Variants in ADCY9 observed in about 807,000 individuals in gnomAD.
ADCY9 encodes the protein adenylate cyclase type 9.
ADCY9 carries 50 observed loss-of-function variants against 101.5 expected under a neutral mutation model. The ratio of observed to expected loss-of-function variants is 0.49; its 90% confidence interval spans 0.39 to 0.62. The LOEUF (loss-of-function observed/expected upper bound fraction) is 0.62. Ranked by LOEUF, ADCY9 falls within the 20% of genes least tolerant of loss-of-function variation. The pLI is 0.00. For missense variants in ADCY9, 1,662 were observed against 1,800.4 expected, an observed-to-expected ratio of 0.92 and a Z score of 1.39; for synonymous variants, 905 against 769.3, an observed-to-expected ratio of 1.18 and a Z score of -2.92.
chr16:4,078,938 G>A (rs2056885270), intron 2 of ADCY9, among the ~76,000 whole-genome samples: 1 of 152,122 alleles, frequency 6.6e-6, no homozygotes, highest in African/African-American at 2.4e-5. Context: ...ACTAATTATC[G>A]TGGGCAAAGA....
intron 2 of ADCY9, among the ~76,000 whole-genome samples, chr16:4,030,027 T>C (rs973385200): frequency 2.0e-5 from 3 of 152,150 alleles, no homozygotes; most frequent in Non-Finnish European, 4.4e-5. Flanking sequence ...GGAACCCTCA[T>C]ACTCTGCTGA....
In ADCY9 at chr16:3,987,990, G is replaced by A. The variant is rs184706751; in HGVS notation, c.2310+1004C>T. ...GCTGGGACTCTGCTGGAGGCTGTGAGGAGGGGCTGGAGGAGAGAGATGGGT... is the reference window on the plus strand; with the variant it reads ...GCTGGGACTCTGCTGGAGGCTGTGAAGAGGGGCTGGAGGAGAGAGATGGGT... On this transcript the variant is annotated intron_variant, in intron 6 of 10. Coordinates refer to ENST00000294016, the MANE Select transcript of ADCY9 (RefSeq NM_001116.4). Among the ~76,000 whole-genome samples the A allele has an allele frequency of 3.0e-3, 446 of 147,624 alleles. 1 individual carries two copies. The highest frequency in any genetic ancestry group is 0.011 in the African/African-American group (421 of 37,608).
At chr16:4,065,528 C>G (rs895249851) in intron 2 of ADCY9, among the ~76,000 whole-genome samples, 1 of 152,120 alleles carries the variant, frequency 6.6e-6, no homozygotes, top group African/African-American at 2.4e-5. Flanking sequence ...GAATGTCGCA[C>G]GTCAATGTAC....
chr16:4,011,234 G>C (rs1311022618), intron 2 of ADCY9, among the ~76,000 whole-genome samples: 2 of 152,314 alleles, frequency 1.3e-5, no homozygotes, highest in African/African-American at 4.8e-5. Flanking sequence ...GCCTGCAGCA[G>C]GCATAGCTAA....
chr16:4,021,208 G>A (rs2056474050), intron 2 of ADCY9, among the ~76,000 whole-genome samples: 1 of 152,118 alleles, frequency 6.6e-6, no homozygotes, highest in African/African-American at 2.4e-5. Flanking sequence ...CTGCACAATG[G>A]GCGTGCCATG....
rs566636972 is a variant in ADCY9, at chr16:4,079,021, A to G, written c.1693+34729T>C. 1.6e-4 allele frequency among the ~76,000 whole-genome samples: 24 copies of G among 152,344 alleles called. No homozygotes were observed. In the South Asian group the frequency reaches 2.3e-3, roughly 14 times the overall value. The stretch of plus-strand genomic sequence containing the variant: ...ATATTTCATCGAGTCTAAGATGCCA[A>G]TGATGATGTTTCATTACTTTTTGTT... On this transcript the variant is annotated intron_variant, in intron 2 of 10. Transcript: ENST00000294016.
rs2055997522 is a variant in ADCY9, at chr16:3,966,503, C to A, written c.3334G>T (p.Ala1112Ser). Residue 1112 changes from alanine (A) to serine (S), a missense_variant, in exon 11 of 11, where the codon GCC becomes TCC. Physicochemically the swap from Ala to Ser is moderately conservative, Grantham distance 99 (BLOSUM62 1). Transcript: ENST00000294016. ...SSIEKIKTIG[A>S]TYMAASGLNT... Reference sequence around the variant, plus strand: ...AGCCCTGACGCCGCCATGTACGTGGCTCCGATGGTCTTGATCTTCTCGATG... The same window carrying A: ...AGCCCTGACGCCGCCATGTACGTGGATCCGATGGTCTTGATCTTCTCGATG... The A allele has an allele frequency of 3.1e-6, 5 of 1,614,056 alleles. No homozygotes were observed. In the South Asian group the frequency reaches 5.5e-5, roughly 18 times the overall value.
intron 2 of ADCY9, among the ~76,000 whole-genome samples, chr16:4,038,406 C>A (rs918831774): frequency 5.3e-5 from 8 of 152,086 alleles, no homozygotes; most frequent in Non-Finnish European, 1.0e-4. Flanking sequence ...GCATGAAAGG[C>A]CTGAGGGAAC....
intron 2 of ADCY9, among the ~76,000 whole-genome samples, chr16:4,036,495 C>T (rs928737873): frequency 6.2e-5 from 8 of 129,574 alleles, no homozygotes; most frequent in Admixed American, 4.2e-4. Context: ...GACAATCTCG[C>T]TCTGTCACCC....
downstream of ADCY9, among the ~76,000 whole-genome samples, chr16:3,961,271 G>C (rs763705237): frequency 2.6e-5 from 4 of 151,698 alleles, no homozygotes; most frequent in Non-Finnish European, 4.4e-5. Flanking sequence ...AACATGGCAA[G>C]ACCCCGTCTC....
At chr16:4,068,425 GTAT>G (rs1343977713) in intron 2 of ADCY9, among the ~76,000 whole-genome samples, 1 of 151,964 alleles carries the variant, frequency 6.6e-6, no homozygotes, top group Non-Finnish European at 1.5e-5. Context: ...TTCAATGCAT[GTAT>G]TATTATCTCT....
intron 10 of ADCY9, among the ~76,000 whole-genome samples, chr16:3,969,976 C>G (rs935820309): frequency 6.6e-6 from 1 of 152,086 alleles, no homozygotes; most frequent in Admixed American, 6.6e-5. Context: ...GTCCTGCCAT[C>G]CAGAGGCAAT....
At chr16:4,110,179 A>T (rs911833813) in intron 2 of ADCY9, among the ~76,000 whole-genome samples, 2 of 152,122 alleles carry the variant, frequency 1.3e-5, no homozygotes. Flanking sequence ...ACGCGCCCCA[A>T]AGTGGGGCCG....
chr16:3,986,020 C>T lies in ADCY9; in HGVS notation c.2311-2580G>A, dbSNP rs376424159. Among the ~76,000 whole-genome samples, 55 of 152,298 alleles carry T rather than the reference C, an allele frequency of 3.6e-4. 1 individual carries two copies. The South Asian group carries it at 7.0e-3, about 19-fold the overall frequency. ...ACAGTGCCACTGGCTGCCAGGGCAC[C>T]GTGGGCCAGGCTCCGCCCTGCTCAC... On this transcript the variant is annotated intron_variant, in intron 6 of 10. Coordinates refer to ENST00000294016, the MANE Select transcript of ADCY9 (RefSeq NM_001116.4).
chr16:4,100,706 G>T (rs1368372684), intron 2 of ADCY9, among the ~76,000 whole-genome samples: 1 of 143,362 alleles, frequency 7.0e-6, no homozygotes, highest in East Asian at 2.1e-4. Flanking sequence ...TTATGCCACT[G>T]CACTCCAACC....
At chr16:4,069,950 T>C (rs1009530117) in intron 2 of ADCY9, among the ~76,000 whole-genome samples, 9 of 151,990 alleles carry the variant, frequency 5.9e-5, no homozygotes, top group African/African-American at 2.2e-4. Flanking sequence ...ACAAAAAAAT[T>C]AGCCAGGCGT....
rs774071996 is a variant in ADCY9 at position 4,115,065 on chromosome 16, G to A, written c.378C>T (p.Ala126=). Reference sequence around the variant, plus strand: ...CAAAATAGATGCTCCACAGAAGGCAGGCGAAGCCGATGTAGAAGAGCGCAT... The same window carrying A: ...CAAAATAGATGCTCCACAGAAGGCAAGCGAAGCCGATGTAGAAGAGCGCAT... ...FRYALFYIGF[A]CLLWSIYFAV... The change falls in exon 2 of 11, where the codon GCC becomes GCT. Residue 126 remains alanine (A), a synonymous_variant. Coordinates refer to ENST00000294016, the MANE Select transcript of ADCY9 (RefSeq NM_001116.4). This position sits in a 1 kb window ranked among gnomAD's most constrained non-coding sequence, Gnocchi z 6.2. 1.2e-6 allele frequency: 2 copies of A among 1,614,048 alleles called. No individual in the cohort carries two copies. The highest frequency in any genetic ancestry group is 2.2e-5 in the East Asian group (1 of 44,884).
chr16:4,019,949 G>A (rs1167103559), intron 2 of ADCY9, among the ~76,000 whole-genome samples: 1 of 152,046 alleles, frequency 6.6e-6, no homozygotes, highest in Admixed American at 6.6e-5. Flanking sequence ...GTGGTGGCGG[G>A]AGCCTGTAAT....
intron 2 of ADCY9, among the ~76,000 whole-genome samples, chr16:4,102,456 G>C (rs1402537507): frequency 6.6e-6 from 1 of 152,148 alleles, no homozygotes; most frequent in African/African-American, 2.4e-5. Context: ...ATGGAGTTTC[G>C]CTCTTGTTGC....
Sources: allele counts gnomAD v4.1 joint callset (sites outside exome capture counted in the v4.1 genomes callset), GRCh38; gene constraint gnomAD v4.1.1; non-coding constraint Gnocchi (gnomAD v3.1); transcripts MANE v1.5; gene names NCBI Gene and HGNC (gene_info 2026-07-23, HGNC 2026-07-21).